Variants in ARSL observed in about 807,000 individuals in gnomAD.
The protein encoded by ARSL is arylsulfatase E (chondrodysplasia punctata 1).
Under a neutral mutation model 31.1 loss-of-function variants are expected in ARSL, and 4 were observed. The observed-to-expected ratio is 0.13, with a 90% CI of 0.06 to 0.29. The LOEUF (loss-of-function observed/expected upper bound fraction) is 0.29, where lower values mean the gene tolerates loss of function less well. Ranked by LOEUF, ARSL falls within the 10% of genes least tolerant of loss-of-function variation. The probability of loss-of-function intolerance (pLI) is 1.00; values close to 1 mark genes in which losing one functional copy is unlikely to be tolerated. For synonymous variants in ARSL, 198 were observed against 209.9 expected, an observed-to-expected ratio of 0.94 and a Z score of 0.49; for missense variants, 312 against 497.8, an observed-to-expected ratio of 0.63 and a Z score of 3.55.
rs2089677322 is a variant in ARSL at position 2,964,203 on chromosome X, A to C, written c.-21+21T>G. On this transcript the variant is annotated intron_variant, in intron 1 of 10. Coordinates refer to ENST00000381134, the MANE Select transcript of ARSL (RefSeq NM_000047.3). ...GTCACGGAGCCCAAATCCAGCACAA[A>C]TGAACATTCACAGGACTCACCTCTG... The C allele has an allele frequency of 1.2e-5, 9 of 752,488 alleles. No homozygotes were observed. The South Asian group carries it at 2.1e-4, about 17-fold the overall frequency. The allele number at this position is 752,488 out of a possible 1,213,427, so 62.0% of individuals were successfully genotyped here. A position where few individuals can be genotyped will look rare whatever the true frequency, so the allele number is the denominator to read the frequency against.
intron 1 of ARSL, among the ~76,000 whole-genome samples, chrX:2,961,555 T>C (rs963063623): frequency 8.9e-6 from 1 of 112,132 alleles, no homozygotes; most frequent in African/African-American, 3.2e-5. Context: ...CAAAATATTT[T>C]ACCCAAAAAC....
intron 10 of ARSL, among the ~76,000 whole-genome samples, chrX:2,935,507 G>A (rs1399992549): frequency 9.0e-6 from 1 of 111,677 alleles, no homozygotes; most frequent in Non-Finnish European, 1.9e-5. Flanking sequence ...AGGAAGTAGA[G>A]TAGTGGTTTC....
chrX:2,953,592 G>A (rs1053513207), intron 4 of ARSL, among the ~76,000 whole-genome samples: 1 of 111,871 alleles, frequency 8.9e-6, no homozygotes, highest in Non-Finnish European at 1.9e-5. Flanking sequence ...TTGTTCTGTC[G>A]TCCAGGCTGG....
At position 2,938,394 on chromosome X, in the gene ARSL, C is replaced by T. The variant is rs1308773468; in HGVS notation, c.1127-137G>A. On this transcript the variant is annotated intron_variant, in intron 8 of 10. Transcript: ENST00000381134. ...AGTCTCTCAATTTCTCTCTCTCTCT[C>T]TCTCTGTTTTAGTGACATTAAAACA... 87 of 920,081 alleles carry T rather than the reference C, an allele frequency of 9.5e-5. No homozygotes were observed. The African/African-American group carries it at 1.5e-3, about 16-fold the overall frequency. The allele number at this position is 920,081 out of a possible 1,213,427, so 75.8% of individuals were successfully genotyped here. A position where few individuals can be genotyped will look rare whatever the true frequency, so the allele number is the denominator to read the frequency against.
chrX:2,934,671 A>G lies in ARSL; in HGVS notation c.*161T>C. ...TTTTTTATTTTTGTTTTGTAGAGCT[A>G]GAGTTTCATCATGTTGCCCAGGTTG... On this transcript the variant is annotated 3_prime_UTR_variant, in exon 11 of 11. Transcript: ENST00000381134. 4.5e-6 allele frequency: 2 copies of G among 441,595 alleles called. No individual in the cohort carries two copies. The highest frequency in any genetic ancestry group is 2.4e-5 in the African/African-American group (1 of 41,134). 36.4% of individuals were successfully genotyped at this position (441,595 alleles called of 1,213,427 possible). A position where few individuals can be genotyped will look rare whatever the true frequency, so the allele number is the denominator to read the frequency against.
chrX:2,947,611 C>T (rs956609529), intron 6 of ARSL, among the ~76,000 whole-genome samples: 1 of 112,221 alleles, frequency 8.9e-6, no homozygotes, highest in African/African-American at 3.2e-5. Flanking sequence ...AATTAGAACA[C>T]GTCAGGCTGG....
At chrX:2,952,106 A>G (rs939808839) in intron 5 of ARSL, among the ~76,000 whole-genome samples, 1 of 110,711 alleles carries the variant, frequency 9.0e-6, no homozygotes, top group African/African-American at 3.3e-5. Flanking sequence ...CCAATACATG[A>G]CATGTTTGTT....
intron 9 of ARSL, among the ~76,000 whole-genome samples, chrX:2,937,529 C>T (rs2089220239): frequency 9.0e-6 from 1 of 111,444 alleles, no homozygotes; most frequent in Admixed American, 9.6e-5. Flanking sequence ...GGATTCTTAA[C>T]AGGACCCATT....
intron 1 of ARSL, 151 bp from the exon 2 acceptor site, chrX:2,960,571 A>G (rs2089612525): frequency 1.9e-6 from 1 of 525,096 alleles, no homozygotes. Flanking sequence ...AAATCTATAA[A>G]GGAATGCTCT....
chrX:2,962,688 C>T (rs2089653929), intron 1 of ARSL, among the ~76,000 whole-genome samples: 1 of 111,691 alleles, frequency 9.0e-6, no homozygotes, highest in Non-Finnish European at 1.9e-5. Flanking sequence ...GGCACAAAAC[C>T]AGTCTTCTGA....
intron 6 of ARSL, among the ~76,000 whole-genome samples, chrX:2,947,895 G>T (rs763207279): frequency 3.0e-4 from 34 of 112,762 alleles, no homozygotes; most frequent in African/African-American, 9.6e-4. Flanking sequence ...AGCCAAGGCG[G>T]GTAGATCACT....
In ARSL at chrX:2,938,166, G is replaced by A. The variant is rs758104330; in HGVS notation, c.1218C>T (p.Gly406=). Residue 406 remains glycine, a synonymous_variant, in exon 9 of 11, where the codon GGC becomes GGT. Coordinates refer to ENST00000381134, the MANE Select transcript of ARSL (RefSeq NM_000047.3). The part of the protein sequence containing the change: ...PGVLPAGRVI[G]EPTSLMDVFP... ...ACACGTCCATCAGACTCGTGGGCTCGCCAATCACTCGGCCGGCCGGGAGCA... is the reference window on the plus strand; with the variant it reads ...ACACGTCCATCAGACTCGTGGGCTCACCAATCACTCGGCCGGCCGGGAGCA... 23 of 1,210,570 alleles carry A rather than the reference G, an allele frequency of 1.9e-5. No homozygotes were observed. The highest frequency in any genetic ancestry group is 3.0e-5 in the East Asian group (1 of 33,765).
intron 8 of ARSL, among the ~76,000 whole-genome samples, chrX:2,941,067 A>G (rs1173819993): frequency 9.0e-6 from 1 of 111,033 alleles, no homozygotes; most frequent in Non-Finnish European, 1.9e-5. Context: ...TAAAAACTTA[A>G]CCTGAGAGGC....
intron 5 of ARSL, among the ~76,000 whole-genome samples, chrX:2,951,624 A>G: frequency 9.4e-6 from 1 of 106,101 alleles, no homozygotes; most frequent in Admixed American, 1.0e-4. Flanking sequence ...CAAAAAAAAA[A>G]AAAAAAAAAA....
At chrX:2,956,708 C>T (rs1397269876) in intron 3 of ARSL, among the ~76,000 whole-genome samples, 1 of 108,616 alleles carries the variant, frequency 9.2e-6, no homozygotes, top group African/African-American at 3.3e-5. Flanking sequence ...AAGTGATCAG[C>T]CTGCCTTGGC....
intron 6 of ARSL, among the ~76,000 whole-genome samples, 197 bp from the exon 7 acceptor site, chrX:2,946,331 T>C (rs1466530473): frequency 1.6e-4 from 6 of 38,057 alleles, no homozygotes; most frequent in Non-Finnish European, 5.3e-4. Context: ...CCTTTTTTTT[T>C]TTTTTTTTTT....
intron 8 of ARSL, among the ~76,000 whole-genome samples, chrX:2,942,385 A>G (rs773876600): frequency 6.3e-5 from 7 of 111,375 alleles, no homozygotes; most frequent in Non-Finnish European, 1.3e-4. Context: ...TCCGCCTCCC[A>G]GGTTCAAGCG....
chrX:2,960,138 A>C (rs12847525), intron 2 of ARSL, among the ~76,000 whole-genome samples: 6 of 75,725 alleles, frequency 7.9e-5, no homozygotes, highest in African/African-American at 1.9e-4. Context: ...GCGTGGTGGC[A>C]GGCGCCTGTA....
chrX:2,935,578 C>A (rs866602685), intron 10 of ARSL, among the ~76,000 whole-genome samples: 1 of 111,454 alleles, frequency 9.0e-6, no homozygotes, highest in African/African-American at 3.3e-5. Context: ...CTGCTTTTGG[C>A]GTGATGAAAA....
Sources: allele counts gnomAD v4.1 joint callset (sites outside exome capture counted in the v4.1 genomes callset), GRCh38; gene constraint gnomAD v4.1.1; transcripts MANE v1.5; gene names NCBI Gene and HGNC (gene_info 2026-07-23, HGNC 2026-07-21).